Variants in CLPTM1 observed in about 807,000 individuals in gnomAD.
The protein encoded by CLPTM1 is putative lipid scramblase CLPTM1.
A neutral mutation model predicts 77.3 loss-of-function variants in CLPTM1; 21 were observed. The observed-to-expected ratio is 0.27, with a 90% confidence interval of 0.19 to 0.39. The LOEUF is 0.39. CLPTM1 is among the 10% of genes least tolerant of loss of function. The pLI is 1.00. For synonymous variants in CLPTM1, 373 were observed against 381.0 expected (o/e 0.98, Z 0.24); for missense variants, 642 against 921.2 (o/e 0.70, Z 3.92).
rs1331104746 is a variant in CLPTM1, at chr19:44,987,511, A to G, written c.1038+88A>G. 12 of 1,535,800 alleles carry G rather than the reference A, an allele frequency of 7.8e-6. No individual in the cohort carries two copies. In the Admixed American group the frequency reaches 2.2e-4, roughly 28 times the overall value. Reference sequence around the variant, plus strand: ...AAGTGTGCCAGGCCTGGGCTGTGGGACCTCCCGCCTGGTGCTCCTCTGCCC... The same window carrying G: ...AAGTGTGCCAGGCCTGGGCTGTGGGGCCTCCCGCCTGGTGCTCCTCTGCCC... On this transcript the variant is annotated intron_variant, in intron 8 of 13. Transcript: ENST00000337392.
At chr19:44,963,069 G>C (rs571304910) in intron 2 of CLPTM1, among the ~76,000 whole-genome samples, 9 of 150,804 alleles carry the variant, frequency 6.0e-5, no homozygotes, top group African/African-American at 2.2e-4. Flanking sequence ...TTAGCTGGGT[G>C]TGGTGGCACG....
In CLPTM1 at chr19:44,992,295, C is replaced by G. The variant is rs1443861133; in HGVS notation, c.1618C>G (p.Pro540Ala). Residue 540 changes from proline (P) to alanine (A), a missense_variant, in exon 13 of 14, where the codon CCC (proline) becomes GCC (alanine). By Grantham distance (27) the Pro-to-Ala change is conservative. This residue lies in a region of CLPTM1 where 521 missense variants were observed against 800.4 expected (regional missense o/e 0.65). Transcript: ENST00000337392. This position sits in a 1 kb window ranked among gnomAD's most constrained non-coding sequence, Gnocchi z 7.7. ...NYKLKSVAHL[P>A]WRMLTYKALN... The stretch of plus-strand genomic sequence containing the variant: ...CAAGCTCAAGTCTGTGGCCCACCTT[C>G]CCTGGCGCATGCTCACCTACAAGGC... 6.2e-7 allele frequency: 1 copy of G among 1,614,148 alleles called. No homozygotes were observed.
chr19:44,968,010 A>G (rs1970661323), intron 2 of CLPTM1, among the ~76,000 whole-genome samples: 1 of 151,980 alleles, frequency 6.6e-6, no homozygotes, highest in Non-Finnish European at 1.5e-5. Context: ...CTTCATTTTT[A>G]CATAAGAGGT....
At chr19:44,987,129 C>A (rs531152315) in intron 7 of CLPTM1, 50 bp from the exon 8 acceptor site, 2 of 1,574,296 alleles carry the variant, frequency 1.3e-6, no homozygotes, top group African/African-American at 1.3e-5. Context: ...CCTGCGGGTA[C>A]CCTGGCCTCC....
chr19:44,992,617 T>C lies in CLPTM1; in HGVS notation c.1730T>C (p.Val577Ala). The change falls in exon 14 of 14, where the codon GTT becomes GCT. Residue 577 changes from valine to alanine, a missense_variant. By Grantham distance (64) the Val-to-Ala change is moderately conservative (BLOSUM62 0). Around this residue, in one of 2 missense-constraint regions of CLPTM1, gnomAD observed 521 missense variants for 800.4 expected, o/e 0.65. Coordinates refer to ENST00000337392, the MANE Select transcript of CLPTM1 (RefSeq NM_001294.4). The surrounding 1 kb of genome is among the most constrained non-coding windows in gnomAD (Gnocchi z 7.7). The part of the protein sequence containing the change: ...YRIGCLRDDV[V>A]FFIYLYQRWI... Reference sequence around the variant, plus strand: ...GCCTCCCACCCCTCTCCAGATGTGGTTTTCTTCATCTACCTCTACCAACGG... The same window carrying C: ...GCCTCCCACCCCTCTCCAGATGTGGCTTTCTTCATCTACCTCTACCAACGG... 6.2e-7 allele frequency: 1 copy of C among 1,613,260 alleles called. No homozygotes were observed. The highest frequency in any genetic ancestry group is 1.1e-5 in the South Asian group (1 of 91,076).
At chr19:44,955,039 A>C (rs1970435763), upstream of CLPTM1, 1 of 1,535,700 alleles carries the variant, frequency 6.5e-7, no homozygotes, top group South Asian at 1.2e-5. Flanking sequence ...AAGAATCGGC[A>C]GGGAGAAGCG....
rs149437878 is a variant in CLPTM1, at chr19:44,990,478, G to A, written c.1216G>A (p.Val406Ile). Residue 406 changes from valine to isoleucine, a missense_variant, in exon 10 of 14, where the codon GTC (valine) becomes ATC (isoleucine). Val to Ile is a conservative substitution (Grantham distance 29, BLOSUM62 3). Coordinates refer to ENST00000337392, the MANE Select transcript of CLPTM1 (RefSeq NM_001294.4). The surrounding 1 kb of genome is among the most constrained non-coding windows in gnomAD (Gnocchi z 4.8). ...CTTCGGCGTTTTCCAGTCATTCGTG[G>A]TCCTCCTCTACATCCTGGACAACGA... The part of the protein sequence containing the change: ...VFFGVFQSFV[V>I]LLYILDNETN... 5.5e-5 allele frequency: 88 copies of A among 1,613,954 alleles called. No homozygotes were observed. The highest frequency in any genetic ancestry group is 7.4e-5 in the Non-Finnish European group (87 of 1,179,990).
rs2569594 is a variant in CLPTM1 at position 44,972,286 on chromosome 19, T to C, written c.186-801T>C. ...TTTTTGAGATGGAGTCTCGCTCTGTTGCCCAGGCTGGAGTGCAGTGGCGCG... is the reference window on the plus strand; with the variant it reads ...TTTTTGAGATGGAGTCTCGCTCTGTCGCCCAGGCTGGAGTGCAGTGGCGCG... On this transcript the variant is annotated intron_variant, in intron 2 of 13. Coordinates refer to ENST00000337392, the MANE Select transcript of CLPTM1 (RefSeq NM_001294.4). Among the ~76,000 whole-genome samples the C allele has an allele frequency of 2.7e-3, 412 of 151,548 alleles. 2 individuals are homozygous for C. The highest frequency in any genetic ancestry group is 0.011 in the Admixed American group (171 of 15,184).
At chr19:44,987,961 C>T (rs1971008141) in intron 8 of CLPTM1, 119 bp from the exon 9 acceptor site, 1 of 756,290 alleles carries the variant, frequency 1.3e-6, no homozygotes, top group African/African-American at 1.7e-5. Context: ...CCAGTCTCCT[C>T]CTGGCTGGCC....
intron 9 of CLPTM1, among the ~76,000 whole-genome samples, chr19:44,989,375 G>T (rs1286569083): frequency 6.6e-6 from 1 of 152,154 alleles, no homozygotes; most frequent in East Asian, 1.9e-4. Flanking sequence ...GCAGCAGGGG[G>T]CGCAGGCCTC....
At chr19:44,966,504 TA>T (rs1270682182) in intron 2 of CLPTM1, among the ~76,000 whole-genome samples, 5 of 152,118 alleles carry the variant, frequency 3.3e-5, no homozygotes, top group African/African-American at 1.2e-4. Flanking sequence ...TGCTCACAGA[TA>T]GAGTTGTTTA....
rs189268803 is a variant in CLPTM1 at position 44,968,537 on chromosome 19, A to C, written c.186-4550A>C. On this transcript the variant is annotated intron_variant, in intron 2 of 13. Transcript: ENST00000337392. ...ACTCAAGTACATCAGGAAGCATTAG[A>C]AAGGTCCAGTCTCCTGCAGGCCTGG... Among the ~76,000 whole-genome samples, 119 of 152,352 alleles carry C rather than the reference A, an allele frequency of 7.8e-4. 3 individuals carry two copies. Among genetic ancestry groups the C allele is most frequent in the Admixed American group, 1.4e-3 (21 of 15,294 alleles).
intron 1 of CLPTM1, among the ~76,000 whole-genome samples, chr19:44,958,498 A>G (rs1275582707): frequency 6.6e-6 from 1 of 151,920 alleles, no homozygotes; most frequent in Non-Finnish European, 1.5e-5. Context: ...CAGCCTCTCA[A>G]GTAGCTGGGA....
chr19:44,957,615 G>A (rs1365552588), intron 1 of CLPTM1, among the ~76,000 whole-genome samples: 1 of 152,234 alleles, frequency 6.6e-6, no homozygotes, highest in African/African-American at 2.4e-5. Flanking sequence ...AGCAGATGTT[G>A]CTGGGGATTG....
chr19:44,963,798 A>G (rs1970583740), intron 2 of CLPTM1, among the ~76,000 whole-genome samples: 1 of 151,370 alleles, frequency 6.6e-6, no homozygotes, highest in Non-Finnish European at 1.5e-5. Context: ...TTGTATTTTT[A>G]GTAGAGATGG....
chr19:44,987,616 G>A, intron 8 of CLPTM1, 193 bp downstream of exon 8: 1 of 694,222 alleles, frequency 1.4e-6, no homozygotes. Flanking sequence ...GATGACTGGG[G>A]GTCCTCTCCC....
intron 5 of CLPTM1, among the ~76,000 whole-genome samples, chr19:44,979,428 A>G (rs529247424): frequency 2.6e-5 from 4 of 152,220 alleles, no homozygotes; most frequent in Admixed American, 6.5e-5. Context: ...TGTGTACTCC[A>G]CCTAGCTTTC....
intron 8 of CLPTM1, 197 bp downstream of exon 8, chr19:44,987,620 C>A: frequency 1.5e-6 from 1 of 675,570 alleles, no homozygotes. Flanking sequence ...ACTGGGGGTC[C>A]TCTCCCCAGG....
At chr19:44,973,539 G>A (rs981246576) in intron 3 of CLPTM1, among the ~76,000 whole-genome samples, 1 of 152,192 alleles carries the variant, frequency 6.6e-6, no homozygotes, top group Non-Finnish European at 1.5e-5. Context: ...GCAAGGGAGA[G>A]AGTGTGAGAG....
Sources: gnomAD v4.1 joint callset for allele counts (sites outside exome capture counted in the v4.1 genomes callset) on GRCh38, gnomAD v4.1.1 for gene constraint, gnomAD v4.1.1 regional missense constraint, Gnocchi (gnomAD v3.1) non-coding constraint, MANE v1.5 for transcripts, NCBI Gene and HGNC (gene_info 2026-07-23, HGNC 2026-07-21) for gene names.